Variants in RAF1 observed in about 807,000 individuals in gnomAD.
The protein encoded by RAF1 is Raf-1 proto-oncogene, serine/threonine kinase.
Under a neutral mutation model 81.1 loss-of-function variants are expected in RAF1, and 27 were observed. The ratio of observed to expected loss-of-function variants is 0.33; its 90% CI spans 0.25 to 0.46. RAF1 has a LOEUF of 0.46. RAF1 is among the 20% of genes least tolerant of loss of function. The pLI, the probability that RAF1 is intolerant of heterozygous loss-of-function variation, is 1.00. For missense variants in RAF1, 598 were observed against 826.0 expected (o/e 0.72, Z 3.38); for synonymous variants, 298 against 294.0 (o/e 1.01, Z -0.14).
intron 1 of RAF1, among the ~76,000 whole-genome samples, chr3:12,640,033 G>A (rs1279887024): frequency 6.6e-6 from 1 of 152,096 alleles, no homozygotes; most frequent in Non-Finnish European, 1.5e-5. Flanking sequence ...AGAGACCAAT[G>A]GAACAGAACA....
intron 1 of RAF1, among the ~76,000 whole-genome samples, chr3:12,633,948 A>AAC (rs2059941073): frequency 1.3e-5 from 2 of 151,732 alleles, no homozygotes; most frequent in Non-Finnish European, 2.9e-5. Flanking sequence ...AAAAAAAAAA[A>AAC]AAACAAAAAA....
intron 2 of RAF1, among the ~76,000 whole-genome samples, chr3:12,613,288 T>C (rs1365931388): frequency 6.6e-6 from 1 of 152,158 alleles, no homozygotes; most frequent in Non-Finnish European, 1.5e-5. Context: ...GTAAGGTAAC[T>C]AGAGTCAGTA....
At chr3:12,652,553 C>T (rs2060566423) in intron 1 of RAF1, among the ~76,000 whole-genome samples, 1 of 151,634 alleles carries the variant, frequency 6.6e-6, no homozygotes, top group South Asian at 2.1e-4. Flanking sequence ...TATGCATATA[C>T]TTACAGACCA....
Position 12,598,725 on chromosome 3 carries a change from C to CAAAAAAAAAAAAAAAAAA in RAF1, c.1168+948_1168+965dup, listed in dbSNP as rs59472802. On this transcript the variant is annotated intron_variant, in intron 11 of 17. Transcript: ENST00000442415. ...TGGGCAACAGAGCAAGAATCTATCT[C>CAAAAAAAAAAAAAAAAAA]AAAAAAAAAAAAAAAAAAAAAAAAA... 9.8e-4 allele frequency among the ~76,000 whole-genome samples: 61 copies of CAAAAAAAAAAAAAAAAAA among 61,992 alleles called. 2 individuals are homozygous for CAAAAAAAAAAAAAAAAAA. The highest frequency in any genetic ancestry group is 1.5e-3 in the Non-Finnish European group (48 of 32,146). The allele number at this position is 61,992 out of a possible 152,430, so 40.7% of individuals were successfully genotyped here.
intron 1 of RAF1, among the ~76,000 whole-genome samples, chr3:12,637,291 TAC>T (rs997331248): frequency 1.2e-4 from 18 of 152,062 alleles, no homozygotes; most frequent in Admixed American, 2.6e-4. Flanking sequence ...AGAAACTGAA[TAC>T]AGAGTATTGT....
At chr3:12,639,207 T>G (rs1041859201) in intron 1 of RAF1, among the ~76,000 whole-genome samples, 9 of 152,256 alleles carry the variant, frequency 5.9e-5, no homozygotes, top group African/African-American at 2.2e-4. Flanking sequence ...AACCAGGTAT[T>G]GATGGGACGT....
At chr3:12,638,489 C>A (rs1329693891) in intron 1 of RAF1, among the ~76,000 whole-genome samples, 1 of 152,206 alleles carries the variant, frequency 6.6e-6, no homozygotes, top group African/African-American at 2.4e-5. Flanking sequence ...CCCAAACAGA[C>A]CAGCTGATAA....
intron 1 of RAF1, among the ~76,000 whole-genome samples, chr3:12,646,369 C>T (rs534617315): frequency 2.1e-5 from 3 of 142,510 alleles, no homozygotes; most frequent in African/African-American, 5.4e-5. Context: ...ACGATATTAC[C>T]GGTTTCTTTT....
At chr3:12,633,229 C>T (rs1226766593) in intron 1 of RAF1, among the ~76,000 whole-genome samples, 2 of 152,108 alleles carry the variant, frequency 1.3e-5, no homozygotes, top group East Asian at 3.9e-4. Context: ...GGCCTGTAAT[C>T]CAGCACTTTG....
In RAF1 at chr3:12,618,585, C is replaced by T. The variant is rs2125453017; in HGVS notation, c.137G>A (p.Gly46Asp). The T allele has an allele frequency of 6.2e-7, 1 of 1,614,132 alleles. No homozygotes were observed. Among genetic ancestry groups the T allele is most frequent in the Non-Finnish European group, 8.5e-7 (1 of 1,180,032 alleles). Reference sequence around the variant, plus strand: ...TGTCTTAGAAGGATCTGTGAGTTTGCCATCATCTGATGCCCGGCGCTGATA... The same window carrying T: ...TGTCTTAGAAGGATCTGTGAGTTTGTCATCATCTGATGCCCGGCGCTGATA... The change falls in exon 2 of 18, where the codon GGC becomes GAC. Residue 46 changes from glycine (G) to aspartate (D), a missense_variant. By Grantham distance (94) the Gly-to-Asp change is moderately conservative. Around this residue, in one of 5 missense-constraint regions of RAF1, gnomAD observed 83 missense variants for 72.3 expected, o/e 1.15. Transcript: ENST00000442415.
intron 1 of RAF1, among the ~76,000 whole-genome samples, chr3:12,624,740 C>G (rs1053014752): frequency 2.0e-5 from 3 of 151,798 alleles, no homozygotes; most frequent in African/African-American, 7.3e-5. Flanking sequence ...AGTGGATCAC[C>G]CCTGTAATCC....
At position 12,628,864 on chromosome 3, in the gene RAF1, C is replaced by A. The variant is rs139966816; in HGVS notation, c.-26-10117G>T. ...TTTCCCACATTCAAGTGATCCTCCC[C>A]CTTCAGCCTCCTAGGTAGCTAGGAC... On this transcript the variant is annotated intron_variant, in intron 1 of 17. Transcript: ENST00000442415. Among the ~76,000 whole-genome samples, 81 of 152,010 alleles carry A rather than the reference C, an allele frequency of 5.3e-4. 3 individuals carry two copies. The highest frequency in any genetic ancestry group is 1.7e-3 in the African/African-American group (69 of 41,490).
chr3:12,618,213 C>A (rs1401375115), intron 2 of RAF1, among the ~76,000 whole-genome samples: 1 of 151,884 alleles, frequency 6.6e-6, no homozygotes, highest in African/African-American at 2.4e-5. Context: ...TTGGAAAGGC[C>A]TAGAGACTTC....
chr3:12,622,406 G>A (rs138553702), intron 1 of RAF1, among the ~76,000 whole-genome samples: 59 of 152,256 alleles, frequency 3.9e-4, no homozygotes, highest in African/African-American at 1.3e-3. Context: ...CTGACAAGGC[G>A]TCTAAAGGCC....
chr3:12,646,520 C>A (rs918958186), intron 1 of RAF1, among the ~76,000 whole-genome samples: 1 of 151,680 alleles, frequency 6.6e-6, no homozygotes, highest in African/African-American at 2.4e-5. Flanking sequence ...ACTACAGGTG[C>A]GCACCACCAA....
At chr3:12,610,949 C>T (rs780240205) in intron 3 of RAF1, among the ~76,000 whole-genome samples, 95 of 152,176 alleles carry the variant, frequency 6.2e-4, no homozygotes, top group Admixed American at 1.5e-3. Flanking sequence ...AGCAGAAATG[C>T]TTCTGCATCT....
At chr3:12,650,071 A>G (rs1032795071) in intron 1 of RAF1, among the ~76,000 whole-genome samples, 1 of 142,132 alleles carries the variant, frequency 7.0e-6, no homozygotes, top group Admixed American at 7.7e-5. Flanking sequence ...GCATGAACCC[A>G]GGAGGCGGAG....
Position 12,587,465 on chromosome 3 carries a change from G to C in RAF1, c.1477+126C>G, listed in dbSNP as rs1188010388. Reference sequence around the variant, plus strand: ...AATTTTCTGACTTTTCTGTTTTCCTGTCCTCTGCCTCTTTCCTTAAAAAGA... The same window carrying C: ...AATTTTCTGACTTTTCTGTTTTCCTCTCCTCTGCCTCTTTCCTTAAAAAGA... On this transcript the variant is annotated intron_variant, in intron 14 of 17. Transcript: ENST00000442415. 8.4e-6 allele frequency: 8 copies of C among 951,582 alleles called. No individual in the cohort carries two copies. In the East Asian group the frequency reaches 1.2e-4, roughly 14 times the overall value. The allele number at this position is 951,582 out of a possible 1,614,324, so 58.9% of individuals were successfully genotyped here.
At chr3:12,631,694 T>C (rs1464232167) in intron 1 of RAF1, among the ~76,000 whole-genome samples, 1 of 152,212 alleles carries the variant, frequency 6.6e-6, no homozygotes, top group Non-Finnish European at 1.5e-5. Context: ...TTATAGCTTC[T>C]ATCCCACAGA....
Sources: gnomAD v4.1 joint callset for allele counts (sites outside exome capture counted in the v4.1 genomes callset) on GRCh38, gnomAD v4.1.1 for gene constraint, gnomAD v4.1.1 regional missense constraint, MANE v1.5 for transcripts, NCBI Gene and HGNC (gene_info 2026-07-23, HGNC 2026-07-21) for gene names.